RIF1: variants seen among roughly 807,000 people sequenced by gnomAD.
The protein encoded by RIF1 is telomere-associated protein RIF1.
In RIF1, 45 loss-of-function variants were observed where a neutral mutation model predicts 247.1. The ratio of observed to expected loss-of-function variants is 0.18; its 90% CI spans 0.14 to 0.23. RIF1 has a LOEUF of 0.23. RIF1 is among the 10% of genes least tolerant of loss of function. The pLI is 1.00. For synonymous variants in RIF1, 1,087 were observed against 978.8 expected (o/e 1.11, Z -2.06); for missense variants, 2,967 against 2,862.5 (o/e 1.04, Z -0.83).
downstream of RIF1, among the ~76,000 whole-genome samples, chr2:151,484,095 CCAT>C (rs1372099461): frequency 3.3e-5 from 5 of 152,120 alleles, no homozygotes; most frequent in East Asian, 9.6e-4. Context: ...ACAGATGTGA[CCAT>C]CTTTTTTTTT....
At chr2:151,516,691 T>G in the RIF1 span, 3 of 689,452 alleles carry the variant, frequency 4.4e-6, no homozygotes, top group South Asian at 3.4e-5. Flanking sequence ...CAAAACAGTT[T>G]CCTGTTATGT....
At chr2:151,499,194 T>A in intron 10 of RIF1, 1 of 587,106 alleles carries the variant, frequency 1.7e-6, no homozygotes, top group Non-Finnish European at 2.9e-6. Context: ...AAAAGACAGG[T>A]CAAATTTTTT....
intron 15 of RIF1, 73 bp downstream of exon 15, chr2:151,440,200 C>T: frequency 1.2e-6 from 1 of 844,372 alleles, no homozygotes; most frequent in Non-Finnish European, 1.9e-6. Context: ...AAGATATTTG[C>T]ACAAATCTAG....
intron 12 of RIF1, chr2:151,503,246 C>T: frequency 1.2e-6 from 1 of 833,878 alleles, no homozygotes. Context: ...CACACAGACA[C>T]ACACAGAATT....
At position 151,440,075 on chromosome 2, in the gene RIF1, A is replaced by C. The variant is rs764163113; in HGVS notation, c.1595A>C (p.Lys532Thr). ...PGSEVLTLLLKSLESIVKSEV... is the reference protein window; with the variant it reads ...PGSEVLTLLLTSLESIVKSEV... ...TCTGAAGTTTTGACTCTCTTATTAA[A>C]GTCTTTGGAAAGCATAGTAAAGTCT... The change falls in exon 15 of 36, where the codon AAG becomes ACG. Residue 532 changes from lysine (K) to threonine (T), a missense_variant. By Grantham distance (78) the Lys-to-Thr change is moderately conservative. Around this residue, in one of 7 missense-constraint regions of RIF1, gnomAD observed 369 missense variants for 322.0 expected, o/e 1.15. Coordinates refer to ENST00000444746, the MANE Select transcript of RIF1 (RefSeq NM_018151.5). The C allele has an allele frequency of 1.2e-6, 2 of 1,601,482 alleles. No homozygotes were observed. Among genetic ancestry groups the C allele is most frequent in the Non-Finnish European group, 8.5e-7 (1 of 1,173,960 alleles).
chr2:151,514,957 TAAA>T, the RIF1 span: 3 of 1,402,490 alleles, frequency 2.1e-6, no homozygotes, highest in East Asian at 7.5e-5. Flanking sequence ...AAAGACAAGT[TAAA>T]AAAAAATCTT....
chr2:151,505,163 C>A (rs1459648906), intron 12 of RIF1, among the ~76,000 whole-genome samples: 1 of 152,144 alleles, frequency 6.6e-6, no homozygotes, highest in African/African-American at 2.4e-5. Context: ...ATCCCAATAA[C>A]CTTATTACTA....
At chr2:151,429,017 A>AAGTTAAGT in intron 9 of RIF1, 95 bp downstream of exon 9, 1 of 754,142 alleles carries the variant, frequency 1.3e-6, no homozygotes, top group South Asian at 1.8e-5. Flanking sequence ...TTTTAAGTTG[A>AAGTTAAGT]AGTTAAGTAA....
rs200822558 is a variant in RIF1, at chr2:151,474,981, A to C, written c.7329A>C (p.Glu2443Asp). The C allele has an allele frequency of 2.4e-5, 38 of 1,613,638 alleles. 1 individual carries two copies. The East Asian group carries it at 8.3e-4, about 35-fold the overall frequency. ...ATTATTCAGGAAGCCAACTATTTGA[A>C]ATGCACGAGAAACTAAGTTGTATGG... ...LHNYSGSQLF[E>D]MHEKLSCMAN... The change falls in exon 36 of 36, where the codon GAA becomes GAC. Residue 2443 changes from glutamate (E) to aspartate (D), a missense_variant. Glu to Asp is a conservative substitution (Grantham distance 45). Around this residue, in one of 7 missense-constraint regions of RIF1, gnomAD observed 151 missense variants for 163.4 expected, o/e 0.92. Coordinates refer to ENST00000444746, the MANE Select transcript of RIF1 (RefSeq NM_018151.5).
At chr2:151,500,113 A>C (rs1432805319) in intron 11 of RIF1, among the ~76,000 whole-genome samples, 2 of 152,226 alleles carry the variant, frequency 1.3e-5, no homozygotes, top group Non-Finnish European at 2.9e-5. Context: ...CACAGGGAAA[A>C]CAATGAGTAT....
intron 24 of RIF1, 139 bp downstream of exon 24, chr2:151,458,102 A>T: frequency 3.4e-6 from 2 of 582,880 alleles, no homozygotes; most frequent in Non-Finnish European, 2.9e-6. Context: ...TTTGGAATAC[A>T]TGATAATTAT....
intron 34 of RIF1, among the ~76,000 whole-genome samples, chr2:151,472,867 A>G (rs1437131925): frequency 1.3e-5 from 2 of 152,184 alleles, no homozygotes; most frequent in African/African-American, 4.8e-5. Flanking sequence ...CTTTGGTATC[A>G]GGATGATGGT....
the RIF1 span, among the ~76,000 whole-genome samples, chr2:151,532,666 CTTAACCTCCTCATTTCACAT>C: frequency 6.6e-6 from 1 of 151,410 alleles, no homozygotes; most frequent in African/African-American, 2.4e-5. Flanking sequence ...TTAATTGGAG[CTTAACCTCCTCATTTCACAT>C]ATTGATTTCA....
rs2057118708 is a variant in RIF1, at chr2:151,492,118, T to C, written c.*416-3111T>C. ...GTTACCTGTAATAGTCTCCTGATCT[T>C]GGTCATTCCGTTTTTGTTCCATTTC... is the stretch of plus-strand genomic sequence containing the variant. On this transcript the variant is annotated intron_variant and NMD_transcript_variant, in intron 9 of 13. Transcript: ENST00000454583. 6.2e-7 allele frequency: 1 copy of C among 1,613,954 alleles called. No individual in the cohort carries two copies. Among genetic ancestry groups the C allele is most frequent in the Non-Finnish European group, 8.5e-7 (1 of 1,179,868 alleles).
At chr2:151,496,653 C>T (rs942771078) in intron 10 of RIF1, among the ~76,000 whole-genome samples, 2 of 151,938 alleles carry the variant, frequency 1.3e-5, no homozygotes, top group Non-Finnish European at 2.9e-5. Flanking sequence ...CCTAAACAAT[C>T]ACATGAGGAT....
chr2:151,526,636 T>C, the RIF1 span, among the ~76,000 whole-genome samples: 10 of 152,174 alleles, frequency 6.6e-5, no homozygotes, highest in South Asian at 4.1e-4. Context: ...GGCGTTTCCA[T>C]AAAGAGTCCA....
At chr2:151,500,927 T>C (rs1181893291) in intron 11 of RIF1, among the ~76,000 whole-genome samples, 1 of 152,134 alleles carries the variant, frequency 6.6e-6, no homozygotes, top group Non-Finnish European at 1.5e-5. Flanking sequence ...GGTTTCAATA[T>C]GGAGCAATTT....
chr2:151,484,265 C>T (rs183589814), downstream of RIF1, among the ~76,000 whole-genome samples: 3 of 152,214 alleles, frequency 2.0e-5, no homozygotes, highest in East Asian at 1.9e-4. Context: ...GCAAAGTGTG[C>T]CTTGGCAAAC....
In RIF1 at chr2:151,462,242, G is replaced by A; in HGVS notation, c.3228G>A (p.Arg1076=). The change falls in exon 28 of 36, where the codon CGG becomes CGA. Residue 1076 remains arginine (R), a splice_region_variant and synonymous_variant. Transcript: ENST00000444746. ...DHQKEVLKTK[R]CDIPAMYNNL... ...GTTACTTATATATAGTTTTTTTCAG[G>A]TGTGATATTCCTGCCATGTATAATA... The A allele has an allele frequency of 6.4e-7, 1 of 1,561,266 alleles. No individual in the cohort carries two copies. The highest frequency in any genetic ancestry group is 8.7e-7 in the Non-Finnish European group (1 of 1,145,554).
Sources: gnomAD v4.1 joint callset for allele counts (sites outside exome capture counted in the v4.1 genomes callset) on GRCh38, gnomAD v4.1.1 for gene constraint, gnomAD v4.1.1 regional missense constraint, MANE v1.5 for transcripts, NCBI Gene and HGNC (gene_info 2026-07-23, HGNC 2026-07-21) for gene names.